Variants in KIF26A observed in about 807,000 individuals in gnomAD.
KIF26A encodes kinesin-like protein KIF26A.
KIF26A carries 74 observed loss-of-function variants against 126.0 expected under a neutral mutation model. That is an observed-to-expected ratio of 0.59 (90% confidence interval 0.49 to 0.71). KIF26A has a LOEUF of 0.71. Among genes scored for constraint, KIF26A ranks in the 30% least tolerant of loss-of-function variants. The pLI, the probability that KIF26A is intolerant of heterozygous loss-of-function variation, is 0.00. For missense variants in KIF26A, 2,984 were observed against 2,763.3 expected, an observed-to-expected ratio of 1.08 and a Z score of -1.79; for synonymous variants, 1,445 against 1,232.7, an observed-to-expected ratio of 1.17 and a Z score of -3.61.
rs57249314 is a variant in KIF26A at position 104,179,874 on chromosome 14, C to CG, written c.*90dup. 7,630 of 1,076,724 alleles carry CG rather than the reference C, an allele frequency of 7.1e-3. 395 individuals are homozygous for CG. In the African/African-American group the frequency reaches 0.12, roughly 17 times the overall value. 66.7% of individuals were successfully genotyped at this position (1,076,724 alleles called of 1,614,324 possible). A position where few individuals can be genotyped will look rare whatever the true frequency, so the allele number is the denominator to read the frequency against. On this transcript the variant is annotated 3_prime_UTR_variant, in exon 15 of 15. Transcript: ENST00000423312. ...CGGAGCGAGGATGTGGTGGGGGCTG[C>CG]GGGGGGAGGATGCGGAGGGGTTTCT...
At chr14:104,178,848 T>TG in intron 13 of KIF26A, 93 bp downstream of exon 13, 5 of 738,054 alleles carry the variant, frequency 6.8e-6, no homozygotes, top group South Asian at 3.8e-5. Flanking sequence ...GCCAGGCCTC[T>TG]GGGGGTGTGG....
At position 104,173,862 on chromosome 14, in the gene KIF26A, C is replaced by T; in HGVS notation, c.2024C>T (p.Pro675Leu). 7 of 1,590,714 alleles carry T rather than the reference C, an allele frequency of 4.4e-6. No homozygotes were observed. Among genetic ancestry groups the T allele is most frequent in the Non-Finnish European group, 6.0e-6 (7 of 1,173,738 alleles). The change falls in exon 10 of 15, where the codon CCG (proline) becomes CTG (leucine). Residue 675 changes from proline to leucine, a missense_variant. Physicochemically the swap from Pro to Leu is moderately conservative, Grantham distance 98. Coordinates refer to ENST00000423312, the MANE Select transcript of KIF26A (RefSeq NM_015656.2). ...CTGGTCAACGGAGCCAAGCATGTGC[C>T]GTATCGGTGAGTGTAGGGCCTGGGC... is the stretch of plus-strand genomic sequence containing the variant. ...LALVNGAKHV[P>L]YRDHRLTMLL...
chr14:104,161,517 C>T (rs1260661907), intron 4 of KIF26A, among the ~76,000 whole-genome samples: 2 of 152,234 alleles, frequency 1.3e-5, no homozygotes, highest in Non-Finnish European at 2.9e-5. Context: ...GAAAATATTT[C>T]CTTTTCTGTT....
intron 6 of KIF26A, 88 bp downstream of exon 6, chr14:104,172,023 C>T (rs76319525): frequency 0.057 from 71,437 of 1,260,594 alleles, 2,282 homozygotes; most frequent in Non-Finnish European, 0.066. Context: ...CCCGCTTCTC[C>T]GTGCAGGGCG....
Position 104,151,157 on chromosome 14 carries a change from C to G in KIF26A, c.289-858C>G, listed in dbSNP as rs1465226971. Among the ~76,000 whole-genome samples the G allele has an allele frequency of 6.6e-6, 1 of 152,338 alleles. No individual in the cohort carries two copies. The highest frequency in any genetic ancestry group is 1.5e-5 in the Non-Finnish European group (1 of 68,026). Reference sequence around the variant, plus strand: ...TGTGGCTTGTCTCCTTCTTGCTCCTCCTCCTCTTCCTGGAAGATGTCACTG... The same window carrying G: ...TGTGGCTTGTCTCCTTCTTGCTCCTGCTCCTCTTCCTGGAAGATGTCACTG... On this transcript the variant is annotated intron_variant, in intron 2 of 14. Coordinates refer to ENST00000423312, the MANE Select transcript of KIF26A (RefSeq NM_015656.2). The surrounding 1 kb of genome is among the most constrained non-coding windows in gnomAD (Gnocchi z 4.9).
chr14:104,170,979 C>T (rs904427543), intron 5 of KIF26A, among the ~76,000 whole-genome samples: 6 of 152,238 alleles, frequency 3.9e-5, no homozygotes, highest in South Asian at 2.1e-4. Context: ...CCTGCTGGCT[C>T]GGGAGGTCAG....
At chr14:104,157,687 C>G (rs1328045319) in intron 3 of KIF26A, 68 bp from the exon 4 acceptor site, 1 of 1,509,278 alleles carries the variant, frequency 6.6e-7, no homozygotes, top group East Asian at 2.5e-5. Context: ...CTCTCCCACT[C>G]CGGGTGCCAG....
chr14:104,177,736 C>A lies in KIF26A; in HGVS notation c.4948C>A (p.Leu1650Ile). The A allele has an allele frequency of 2.6e-6, 4 of 1,542,718 alleles. No homozygotes were observed. Among genetic ancestry groups the A allele is most frequent in the Non-Finnish European group, 3.5e-6 (4 of 1,150,984 alleles). ...GCCGCCCGCCATGGGCCGCACCGCC[C>A]TTTTCCACCACAGCGGTGGCAGCAG... ...ELPPAMGRTA[L>I]FHHSGGSSGY... Residue 1650 changes from leucine to isoleucine, a missense_variant, in exon 12 of 15, where the codon CTT becomes ATT. Transcript: ENST00000423312.
chr14:104,170,303 A>G (rs1335704626), intron 5 of KIF26A, among the ~76,000 whole-genome samples: 1 of 152,182 alleles, frequency 6.6e-6, no homozygotes, highest in Non-Finnish European at 1.5e-5. Flanking sequence ...CGTCGGGGGA[A>G]TAAAAGAATC....
chr14:104,150,163 C>T (rs1469285763), intron 2 of KIF26A, among the ~76,000 whole-genome samples: 1 of 120,632 alleles, frequency 8.3e-6, no homozygotes, highest in African/African-American at 3.0e-5. Context: ...CCTCCTCCCC[C>T]TTCCCCTTCT....
rs1436242150 is a variant in KIF26A at position 104,178,774 on chromosome 14, T to A, written c.5316+19T>A. 8.6e-6 allele frequency: 12 copies of A among 1,398,100 alleles called. No individual in the cohort carries two copies. Among genetic ancestry groups the A allele is most frequent in the Non-Finnish European group, 9.7e-6 (10 of 1,026,562 alleles). 86.6% of individuals were successfully genotyped at this position (1,398,100 alleles called of 1,614,324 possible). ...CACCCAGGTAGGGCCTTTGGTGGGC[T>A]GGGGTCTATGACCCCTGGTGGGGAG... On this transcript the variant is annotated intron_variant, in intron 13 of 14. Transcript: ENST00000423312.
At chr14:104,142,077 G>C (rs1355876243) in intron 2 of KIF26A, among the ~76,000 whole-genome samples, 1 of 152,176 alleles carries the variant, frequency 6.6e-6, no homozygotes, top group African/African-American at 2.4e-5. Context: ...GCCTGTCTCA[G>C]TTCCCTTGTC....
rs551132467 is a variant in KIF26A, at chr14:104,179,575, C to T, written c.5468-34C>T. ...TGGCTGCCCCCAGCCTCGGGCCTGA[C>T]GCAGGTGCCCCTCCCCTCTCCTCCC... On this transcript the variant is annotated intron_variant, in intron 14 of 14. Transcript: ENST00000423312. 79 of 1,478,744 alleles carry T rather than the reference C, an allele frequency of 5.3e-5. No individual in the cohort carries two copies. The South Asian group carries it at 6.0e-4, about 11-fold the overall frequency. The allele number at this position is 1,478,744 out of a possible 1,614,324, so 91.6% of individuals were successfully genotyped here.
chr14:104,179,389 G>C lies in KIF26A; in HGVS notation c.5467+3G>C. The C allele has an allele frequency of 6.6e-7, 1 of 1,507,764 alleles. No homozygotes were observed. Among genetic ancestry groups the C allele is most frequent in the Non-Finnish European group, 8.8e-7 (1 of 1,133,036 alleles). 93.4% of individuals were successfully genotyped at this position (1,507,764 alleles called of 1,614,324 possible). On this transcript the variant is annotated splice_donor_region_variant and intron_variant, in intron 14 of 14. Coordinates refer to ENST00000423312, the MANE Select transcript of KIF26A (RefSeq NM_015656.2). ...GCCTGGCCGCTGGCTGGAGCAGTGT[G>C]AGTCCCGCCCGCCCACGGACCCAGC...
chr14:104,157,937 C>T lies in KIF26A; in HGVS notation c.918C>T (p.Phe306=). 1 of 1,511,766 alleles carries T rather than the reference C, an allele frequency of 6.6e-7. No homozygotes were observed. The highest frequency in any genetic ancestry group is 1.9e-4 in the Middle Eastern group (1 of 5,380). 93.6% of individuals were successfully genotyped at this position (1,511,766 alleles called of 1,614,324 possible). ...GCCCCTCAGCTGCAGCCTCCTTCTT[C>T]ATAAGGTATGTCCTGGGGCTTCCTG... is the stretch of plus-strand genomic sequence containing the variant. ...STGPSAAASF[F]IRAMQKLSLA... is the part of the protein sequence containing the mutation. Residue 306 remains phenylalanine (F), a synonymous_variant, in exon 4 of 15, where the codon TTC becomes TTT. Transcript: ENST00000423312.
In KIF26A at chr14:104,164,202, C is replaced by T. The variant is rs574033757; in HGVS notation, c.924-2657C>T. The stretch of plus-strand genomic sequence containing the variant: ...GCTCTGGGGTGCAGGTCCTTCCACA[C>T]TGGGGTCAGTTTTAGGGAGTCAAGA... On this transcript the variant is annotated intron_variant, in intron 4 of 14. Transcript: ENST00000423312. Among the ~76,000 whole-genome samples, 38 of 151,472 alleles carry T rather than the reference C, an allele frequency of 2.5e-4. 1 individual carries two copies. The highest frequency in any genetic ancestry group is 9.0e-4 in the African/African-American group (37 of 41,338).
At chr14:104,155,634 G>A (rs995999443) in intron 3 of KIF26A, among the ~76,000 whole-genome samples, 4 of 152,156 alleles carry the variant, frequency 2.6e-5, no homozygotes, top group Non-Finnish European at 5.9e-5. Context: ...TGGCATGCCC[G>A]GGCTCTGCTT....
Position 104,179,673 on chromosome 14 carries a change from G to C in KIF26A, c.5532G>C (p.Thr1844=), listed in dbSNP as rs370881005. Reference sequence around the variant, plus strand: ...ACCTGGCGGCCCTGGAGCGAGCCACGGCGGCCCTGGAGCAGTGCGTGAACC... The same window carrying C: ...ACCTGGCGGCCCTGGAGCGAGCCACCGCGGCCCTGGAGCAGTGCGTGAACC... The part of the protein sequence containing the change: ...AEYLAALERA[T]AALEQCVNLC... The change falls in exon 15 of 15, where the codon ACG becomes ACC. Residue 1844 remains threonine (T), a synonymous_variant. Transcript: ENST00000423312. 1.3e-6 allele frequency: 2 copies of C among 1,548,528 alleles called. No individual in the cohort carries two copies. Among genetic ancestry groups the C allele is most frequent in the East Asian group, 2.4e-5 (1 of 40,836 alleles).
chr14:104,179,108 C>G, intron 13 of KIF26A, 128 bp from the exon 14 acceptor site: 17 of 1,145,918 alleles, frequency 1.5e-5, no homozygotes, highest in Non-Finnish European at 2.0e-5. Context: ...CCCTGCCCGC[C>G]CTTGGAGCCC....
Sources: allele counts gnomAD v4.1 joint callset (sites outside exome capture counted in the v4.1 genomes callset), GRCh38; gene constraint gnomAD v4.1.1; non-coding constraint Gnocchi (gnomAD v3.1); transcripts MANE v1.5; gene names NCBI Gene and HGNC (gene_info 2026-07-23, HGNC 2026-07-21).